The following MINAR1 variants were observed in gnomAD, a reference collection of about 807,000 sequenced individuals.
The protein encoded by MINAR1 is membrane integral NOTCH2 associated receptor 1, also known as major intrinsically disordered Notch2-binding receptor 1.
MINAR1 carries 40 observed loss-of-function variants against 65.1 expected under a neutral mutation model. That is an observed-to-expected ratio of 0.61 (90% confidence interval 0.48 to 0.80). MINAR1 has a LOEUF of 0.80. Ranked by LOEUF, MINAR1 falls within the 30% of genes least tolerant of loss-of-function variation. MINAR1 has a pLI of 0.00. For synonymous variants in MINAR1, 482 were observed against 449.1 expected (o/e 1.07, Z -0.93); for missense variants, 1,128 against 1,148.0 (o/e 0.98, Z 0.25).
rs1189107983 is a variant in MINAR1 at position 79,469,140 on chromosome 15, T to G, written c.*756T>G. On this transcript the variant is annotated 3_prime_UTR_variant, in exon 4 of 4. Coordinates refer to ENST00000305428, the MANE Select transcript of MINAR1 (RefSeq NM_015206.3). The stretch of plus-strand genomic sequence containing the variant: ...GTGTAGGGGAGCTGCCTGCTAACGA[T>G]GTAAGGTCAGTATTTGAAAATCATG... The G allele has an allele frequency of 6.6e-6, 1 of 152,640 alleles. No individual in the cohort carries two copies. The highest frequency in any genetic ancestry group is 1.9e-4 in the East Asian group (1 of 5,186). 9.5% of individuals were successfully genotyped at this position (152,640 alleles called of 1,614,324 possible). A position where few individuals can be genotyped will look rare whatever the true frequency, so the allele number is the denominator to read the frequency against.
intron 1 of MINAR1, among the ~76,000 whole-genome samples, chr15:79,443,069 G>A (rs1894916873): frequency 6.6e-6 from 1 of 152,124 alleles, no homozygotes; most frequent in Non-Finnish European, 1.5e-5. Flanking sequence ...GATGGACAGT[G>A]ATTTATTAAT....
At chr15:79,414,605 G>A in the MINAR1 span, 1 of 152,190 alleles carries the variant, frequency 6.6e-6, no homozygotes, top group Non-Finnish European at 1.5e-5. Context: ...TGGACAGGGA[G>A]GTTGAGGTAT....
upstream of MINAR1, among the ~76,000 whole-genome samples, chr15:79,432,151 ACCGCCAGGGGTTGAGGGTGAGG>A (rs553896793): frequency 4.3e-3 from 654 of 152,084 alleles, 2 homozygotes; most frequent in African/African-American, 0.015. Flanking sequence ...CGAGGCTGAG[ACCGCCAGGGGTTGAGGGTGAGG>A]CCGCGTCCCG....
At chr15:79,418,438 G>A in the MINAR1 span, 3 of 152,234 alleles carry the variant, frequency 2.0e-5, no homozygotes, top group East Asian at 5.8e-4. Context: ...GCAGTCCCCT[G>A]CACCCACTCT....
At chr15:79,466,282 T>C (rs1895850281) in intron 3 of MINAR1, among the ~76,000 whole-genome samples, 1 of 152,178 alleles carries the variant, frequency 6.6e-6, no homozygotes, top group Non-Finnish European at 1.5e-5. Context: ...CTTTCCATTG[T>C]AGTGTCGCAT....
rs1452497298 is a variant in MINAR1 at position 79,469,221 on chromosome 15, T to TTCTA, written c.*841_*844dup. The TTCTA allele has an allele frequency of 6.6e-6, 1 of 152,662 alleles. No individual in the cohort carries two copies. The highest frequency in any genetic ancestry group is 1.5e-5 in the Non-Finnish European group (1 of 68,042). The allele number at this position is 152,662 out of a possible 1,614,324, so 9.5% of individuals were successfully genotyped here. Reference sequence around the variant, plus strand: ...TGGTGTGTGGCTCCATTCCTTGATTTTCTATCTCCTGGTGGTACCAGATGC... The same window carrying TTCTA: ...TGGTGTGTGGCTCCATTCCTTGATTTTCTATCTATCTCCTGGTGGTACCAGATGC... On this transcript the variant is annotated 3_prime_UTR_variant, in exon 4 of 4. Transcript: ENST00000305428.
At chr15:79,452,599 T>C (rs1217534541) in intron 1 of MINAR1, among the ~76,000 whole-genome samples, 1 of 138,316 alleles carries the variant, frequency 7.2e-6, no homozygotes, top group Non-Finnish European at 1.6e-5. Context: ...TAGGTGTGAG[T>C]CTGGGTTAGT....
intron 2 of MINAR1, among the ~76,000 whole-genome samples, chr15:79,461,344 GATGAA>G (rs1259258241): frequency 1.3e-5 from 2 of 152,352 alleles, no homozygotes; most frequent in Admixed American, 6.5e-5. Flanking sequence ...TTAATGAGAA[GATGAA>G]ATGAAGACAA....
chr15:79,429,064 G>A (rs1325652349), upstream of MINAR1, among the ~76,000 whole-genome samples: 4 of 152,204 alleles, frequency 2.6e-5, no homozygotes, highest in African/African-American at 9.6e-5. Flanking sequence ...GGAGAAAGAG[G>A]AGCTTTAAAG....
At chr15:79,455,701 G>A (rs890479777) in intron 1 of MINAR1, among the ~76,000 whole-genome samples, 1 of 152,154 alleles carries the variant, frequency 6.6e-6, no homozygotes, top group Admixed American at 6.5e-5. Flanking sequence ...GTCCTTGCAT[G>A]TACTAGTGGT....
the MINAR1 span, chr15:79,424,869 G>T: frequency 5.9e-5 from 9 of 152,288 alleles, no homozygotes; most frequent in Middle Eastern, 3.4e-3. Flanking sequence ...TTGGATGCTT[G>T]GGTGCTGTGG....
rs546678192 is a variant in MINAR1, at chr15:79,450,640, G to T, written c.-50-5458G>T. Among the ~76,000 whole-genome samples the T allele has an allele frequency of 2.6e-5, 4 of 152,230 alleles. No individual in the cohort carries two copies. In the South Asian group the frequency reaches 8.3e-4, roughly 32 times the overall value. On this transcript the variant is annotated intron_variant, in intron 1 of 3. Transcript: ENST00000305428. ...GGCAGTAAATCATTAGTCTACTGAA[G>T]GTCCATGGGAGCATGTGGTTGAGGA...
intron 1 of MINAR1, among the ~76,000 whole-genome samples, chr15:79,449,989 TC>T (rs1895138121): frequency 6.6e-6 from 1 of 152,276 alleles, no homozygotes; most frequent in Non-Finnish European, 1.5e-5. Context: ...CTTTACCTTT[TC>T]CCCATGGCTG....
the MINAR1 span, chr15:79,412,850 C>G: frequency 3.3e-5 from 5 of 152,332 alleles, no homozygotes; most frequent in Non-Finnish European, 5.9e-5. Flanking sequence ...AGCACCTTGG[C>G]TGCACCCAGC....
the MINAR1 span, chr15:79,420,341 T>A: frequency 6.6e-6 from 1 of 152,200 alleles, no homozygotes; most frequent in Non-Finnish European, 1.5e-5. Flanking sequence ...TCAGACTAAC[T>A]GATGTGAAAT....
chr15:79,432,919 C>CA (rs1194172714), intron 1 of MINAR1, among the ~76,000 whole-genome samples: 1 of 152,226 alleles, frequency 6.6e-6, no homozygotes, highest in Non-Finnish European at 1.5e-5. Flanking sequence ...GCTATCTGTG[C>CA]AAAAAGCCTG....
chr15:79,453,339 G>A (rs764841194), intron 1 of MINAR1, among the ~76,000 whole-genome samples: 7 of 152,082 alleles, frequency 4.6e-5, no homozygotes, highest in Non-Finnish European at 1.0e-4. Context: ...CTGGGTTGGA[G>A]TCCACTTGGG....
At position 79,457,360 on chromosome 15, in the gene MINAR1, T is replaced by C. The variant is rs79651143; in HGVS notation, c.1213T>C (p.Phe405Leu). 7,656 of 1,614,026 alleles carry C rather than the reference T, an allele frequency of 4.7e-3. 23 individuals are homozygous for C. The highest frequency in any genetic ancestry group is 6.1e-3 in the Non-Finnish European group (7,249 of 1,180,006). Reference sequence around the variant, plus strand: ...AAATGCCAGTAGCCAGACCCCCAATTTCCCAGCCCCAGAAAGGCGCCCAAC... The same window carrying C: ...AAATGCCAGTAGCCAGACCCCCAATCTCCCAGCCCCAGAAAGGCGCCCAAC... ...YPNASSQTPN[F>L]PAPERRPTYL... is the part of the protein sequence containing the mutation. Residue 405 changes from phenylalanine to leucine, a missense_variant, in exon 2 of 4, where the codon TTC (phenylalanine) becomes CTC (leucine). Coordinates refer to ENST00000305428, the MANE Select transcript of MINAR1 (RefSeq NM_015206.3).
chr15:79,432,721 G>A (rs1894482697), intron 1 of MINAR1, among the ~76,000 whole-genome samples, 181 bp downstream of exon 1: 1 of 152,218 alleles, frequency 6.6e-6, no homozygotes. Flanking sequence ...CGGAGGTGTG[G>A]GGGCCCTTGT....
Sources: gnomAD v4.1 joint callset for allele counts (sites outside exome capture counted in the v4.1 genomes callset) on GRCh38, gnomAD v4.1.1 for gene constraint, MANE v1.5 for transcripts, NCBI Gene and HGNC (gene_info 2026-07-23, HGNC 2026-07-21) for gene names.